The following FAT3 variants were observed in gnomAD, a reference collection of about 807,000 sequenced individuals.
The protein encoded by FAT3 is FAT atypical cadherin 3.
A neutral mutation model predicts 310.2 loss-of-function variants in FAT3; 95 were observed. The observed-to-expected ratio is 0.31, with a 90% CI of 0.26 to 0.36. FAT3 has a LOEUF of 0.36. Ranked by LOEUF, FAT3 falls within the 10% of genes least tolerant of loss-of-function variation. The pLI, the probability that FAT3 is intolerant of heterozygous loss-of-function variation, is 1.00. For synonymous variants in FAT3, 2,314 were observed against 2,192.9 expected (o/e 1.06, Z -1.54); for missense variants, 5,408 against 5,715.6 (o/e 0.95, Z 1.74).
At chr11:92,692,499 C>T (rs557113763) in intron 3 of FAT3, among the ~76,000 whole-genome samples, 11 of 152,288 alleles carry the variant, frequency 7.2e-5, no homozygotes, top group African/African-American at 2.4e-4. Context: ...ATTGAGGAGG[C>T]ATTGATCTAA....
chr11:92,354,297 T>G lies in FAT3; in HGVS notation c.2185T>G (p.Phe729Val). The G allele has an allele frequency of 1.2e-6, 2 of 1,613,758 alleles. No individual in the cohort carries two copies. Among genetic ancestry groups the G allele is most frequent in the Non-Finnish European group, 1.7e-6 (2 of 1,179,844 alleles). The change falls in exon 2 of 28, where the codon TTT becomes GTT. Residue 729 changes from phenylalanine to valine, a missense_variant. Around this residue, in one of 5 missense-constraint regions of FAT3, gnomAD observed 4,588 missense variants for 4,809.8 expected, o/e 0.95. Coordinates refer to ENST00000525166, the MANE Select transcript of FAT3 (RefSeq NM_001367949.2). ...ACAGGGACCATATTTTGACAAGTCT[T>G]TTCCTTCTGATGTGGCTGTAAAGGA... ...NRQGPYFDKS[F>V]PSDVAVKEDL...
At chr11:92,521,158 T>C (rs1565380548) in intron 2 of FAT3, among the ~76,000 whole-genome samples, 1 of 152,088 alleles carries the variant, frequency 6.6e-6, no homozygotes, top group Non-Finnish European at 1.5e-5. Flanking sequence ...TGTGTGTGCG[T>C]GCACACACAC....
chr11:92,716,089 G>A (rs1342584773), intron 4 of FAT3, among the ~76,000 whole-genome samples: 1 of 152,204 alleles, frequency 6.6e-6, no homozygotes, highest in East Asian at 1.9e-4. Context: ...AGGAGTCTGG[G>A]ATCAGACCAG....
At chr11:92,710,108 A>C (rs1162560985) in intron 4 of FAT3, among the ~76,000 whole-genome samples, 1 of 152,228 alleles carries the variant, frequency 6.6e-6, no homozygotes, top group East Asian at 1.9e-4. Flanking sequence ...ATAAAATAGA[A>C]AAATGTCAAT....
chr11:92,287,247 C>T (rs1946582775), intron 1 of FAT3, among the ~76,000 whole-genome samples: 1 of 152,168 alleles, frequency 6.6e-6, no homozygotes, highest in East Asian at 1.9e-4. Flanking sequence ...GGCCTCCATC[C>T]TACGAGCTAG....
chr11:92,743,890 T>G (rs1945578175), intron 4 of FAT3, among the ~76,000 whole-genome samples: 1 of 152,178 alleles, frequency 6.6e-6, no homozygotes, highest in Non-Finnish European at 1.5e-5. Flanking sequence ...TCCTATGTGA[T>G]GATGCCCTGC....
chr11:92,816,990 CAAAAAT>C (rs1947841768), intron 13 of FAT3, among the ~76,000 whole-genome samples: 1 of 151,566 alleles, frequency 6.6e-6, no homozygotes, highest in Non-Finnish European at 1.5e-5. Flanking sequence ...AAAATCAAAA[CAAAAAT>C]AAAAAAGAAG....
Position 92,409,591 on chromosome 11 carries a change from A to C in FAT3, c.3292+54187A>C, listed in dbSNP as rs147356827. ...CTATTTAATGTGACAGGAGGAGGAA[A>C]AAAAGCTGTGTTTTAAAGTGCTGTC... On this transcript the variant is annotated intron_variant, in intron 2 of 27. Transcript: ENST00000525166. Among the ~76,000 whole-genome samples, 1,195 of 152,266 alleles carry C rather than the reference A, an allele frequency of 7.8e-3. 21 individuals are homozygous for C. Among genetic ancestry groups the C allele is most frequent in the African/African-American group, 0.028 (1,145 of 41,552 alleles).
intron 2 of FAT3, among the ~76,000 whole-genome samples, chr11:92,477,674 T>C (rs1322188123): frequency 6.6e-6 from 1 of 152,226 alleles, no homozygotes; most frequent in Non-Finnish European, 1.5e-5. Flanking sequence ...AAATGTGTTA[T>C]TTCTTTTTAT....
intron 1 of FAT3, among the ~76,000 whole-genome samples, chr11:92,301,147 T>A (rs1946987563): frequency 6.6e-6 from 1 of 152,204 alleles, no homozygotes; most frequent in South Asian, 2.1e-4. Flanking sequence ...TCTCAGCTGT[T>A]TGTCTTCATC....
At chr11:92,513,758 T>TA (rs1339750741) in intron 2 of FAT3, among the ~76,000 whole-genome samples, 2 of 152,200 alleles carry the variant, frequency 1.3e-5, no homozygotes, top group African/African-American at 4.8e-5. Context: ...ATACAACAGA[T>TA]ATGCCATCAA....
intron 4 of FAT3, among the ~76,000 whole-genome samples, chr11:92,724,976 G>A (rs1197736417): frequency 2.0e-5 from 3 of 151,946 alleles, no homozygotes; most frequent in Admixed American, 1.3e-4. Context: ...TTCTCTCACA[G>A]CAATAAGAAA....
intron 3 of FAT3, among the ~76,000 whole-genome samples, chr11:92,675,511 T>C (rs1408001629): frequency 2.0e-5 from 3 of 152,198 alleles, no homozygotes; most frequent in African/African-American, 7.2e-5. Flanking sequence ...CTGCAATGAA[T>C]TGGAGAGATA....
chr11:92,629,164 A>G (rs922527972), intron 3 of FAT3, among the ~76,000 whole-genome samples: 1 of 152,340 alleles, frequency 6.6e-6, no homozygotes, highest in East Asian at 1.9e-4. Flanking sequence ...ATACACTGAG[A>G]TCTTTCCCTG....
chr11:92,494,672 C>T lies in FAT3; in HGVS notation c.3293-29962C>T, dbSNP rs542555446. 8.7e-4 allele frequency among the ~76,000 whole-genome samples: 133 copies of T among 152,104 alleles called. 1 individual carries two copies. Among genetic ancestry groups the T allele is most frequent in the African/African-American group, 3.1e-3 (128 of 41,542 alleles). On this transcript the variant is annotated intron_variant, in intron 2 of 27. Transcript: ENST00000525166. ...TATTTAGGCAACTTGCCCAATATTT[C>T]TCATAATTAATAATTGGGATTTATA...
intron 2 of FAT3, among the ~76,000 whole-genome samples, chr11:92,426,593 T>C (rs1591273242): frequency 1.3e-5 from 2 of 152,218 alleles, no homozygotes; most frequent in Non-Finnish European, 1.5e-5. Context: ...TTTCTACATA[T>C]GGCTAGCCAG....
chr11:92,544,332 A>G (rs1954549901), intron 3 of FAT3, among the ~76,000 whole-genome samples: 1 of 152,210 alleles, frequency 6.6e-6, no homozygotes, highest in Non-Finnish European at 1.5e-5. Context: ...AACAGTAATC[A>G]ATTGTACATT....
intron 3 of FAT3, among the ~76,000 whole-genome samples, chr11:92,673,946 C>T (rs1242297762): frequency 2.6e-5 from 4 of 151,960 alleles, no homozygotes; most frequent in Non-Finnish European, 4.4e-5. Context: ...TTTGGAAGGC[C>T]AAAGTGGTTG....
At chr11:92,430,962 A>C (rs1227743314) in intron 2 of FAT3, among the ~76,000 whole-genome samples, 1 of 152,310 alleles carries the variant, frequency 6.6e-6, no homozygotes, top group East Asian at 1.9e-4. Context: ...ATAGTGCCGC[A>C]ATAAACATAC....
Sources: allele counts gnomAD v4.1 joint callset (sites outside exome capture counted in the v4.1 genomes callset), GRCh38; gene constraint gnomAD v4.1.1; regional missense constraint gnomAD v4.1.1; transcripts MANE v1.5; gene names NCBI Gene and HGNC (gene_info 2026-07-23, HGNC 2026-07-21).